The following DLG2 variants were observed in gnomAD, a reference collection of about 807,000 sequenced individuals.
DLG2 encodes the protein discs large MAGUK scaffold protein 2, also known as disks large homolog 2.
DLG2 carries 45 observed loss-of-function variants against 132.5 expected under a neutral mutation model. The ratio of observed to expected loss-of-function variants is 0.34; its 90% CI spans 0.27 to 0.44. The LOEUF is 0.44. DLG2 is among the 20% of genes least tolerant of loss of function. The pLI, the probability that DLG2 is intolerant of heterozygous loss-of-function variation, is 1.00. For missense variants in DLG2, 1,045 were observed against 1,196.9 expected, an observed-to-expected ratio of 0.87 and a Z score of 1.87; for synonymous variants, 424 against 419.6, an observed-to-expected ratio of 1.01 and a Z score of -0.13.
Position 84,712,848 on chromosome 11 carries a change from C to T in DLG2, c.358-178117G>A, listed in dbSNP as rs1213136741. 2.0e-5 allele frequency among the ~76,000 whole-genome samples: 3 copies of T among 152,048 alleles called. No homozygotes were observed. In the East Asian group the frequency reaches 5.8e-4, roughly 29 times the overall value. On this transcript the variant is annotated intron_variant, in intron 6 of 27. Coordinates refer to ENST00000376104, the MANE Select transcript of DLG2 (RefSeq NM_001142699.3). Reference sequence around the variant, plus strand: ...ACCTTGATTTCCAAAACTTCTAGTTCAGAGTTAGAGGTCATGACGTAGAAA... The same window carrying T: ...ACCTTGATTTCCAAAACTTCTAGTTTAGAGTTAGAGGTCATGACGTAGAAA...
intron 3 of DLG2, among the ~76,000 whole-genome samples, chr11:85,352,545 T>G (rs368789500): frequency 6.6e-6 from 1 of 152,184 alleles, no homozygotes; most frequent in Non-Finnish European, 1.5e-5. Flanking sequence ...GGGCATTTAG[T>G]GCTATAAATT....
chr11:83,816,641 T>C (rs2153973639), intron 17 of DLG2, among the ~76,000 whole-genome samples: 1 of 152,288 alleles, frequency 6.6e-6, no homozygotes, highest in East Asian at 1.9e-4. Context: ...TTATAACTAC[T>C]AAACCCATAA....
At chr11:84,813,872 A>C (rs2076830853) in intron 6 of DLG2, among the ~76,000 whole-genome samples, 1 of 151,768 alleles carries the variant, frequency 6.6e-6, no homozygotes, top group South Asian at 2.1e-4. Context: ...CTCCCTCTAC[A>C]CCTCTCACTG....
In DLG2 at chr11:85,619,782, C is replaced by T. The variant is rs145579370; in HGVS notation, c.-93+6805G>A. Among the ~76,000 whole-genome samples the T allele has an allele frequency of 2.2e-4, 33 of 151,814 alleles. 1 individual carries two copies. In the East Asian group the frequency reaches 5.6e-3, roughly 26 times the overall value. ...CCAGGAGGTGGAGGTTGCAGTGAAC[C>T]GAGATTGCGCAACTGCACTCCAGCC... On this transcript the variant is annotated intron_variant, in intron 2 of 27. Transcript: ENST00000376104.
chr11:83,779,704 T>C (rs773274156), intron 18 of DLG2, among the ~76,000 whole-genome samples: 8 of 152,216 alleles, frequency 5.3e-5, no homozygotes, highest in Non-Finnish European at 1.2e-4. Flanking sequence ...TTCCTCCATA[T>C]GTGAAATGAG....
chr11:83,837,676 G>A (rs574103294), intron 16 of DLG2, among the ~76,000 whole-genome samples: 1 of 121,756 alleles, frequency 8.2e-6, no homozygotes, highest in South Asian at 2.7e-4. Flanking sequence ...CTTATTGGCG[G>A]TTCCAGGCTG....
chr11:84,414,554 G>A (rs947893547), intron 7 of DLG2, among the ~76,000 whole-genome samples: 1 of 152,090 alleles, frequency 6.6e-6, no homozygotes, highest in Non-Finnish European at 1.5e-5. Flanking sequence ...CGGACTGAAC[G>A]TTTTCCTCCC....
At chr11:83,729,108 C>T (rs2153697151) in intron 18 of DLG2, among the ~76,000 whole-genome samples, 1 of 152,222 alleles carries the variant, frequency 6.6e-6, no homozygotes, top group Admixed American at 6.5e-5. Context: ...CCAGGAAAGA[C>T]ATGTGTAAGT....
chr11:84,820,686 A>G (rs768297291), intron 6 of DLG2, among the ~76,000 whole-genome samples: 1 of 151,508 alleles, frequency 6.6e-6, no homozygotes, highest in Non-Finnish European at 1.5e-5. Flanking sequence ...TCTACTTTCA[A>G]GCATGCAGAA....
chr11:85,218,022 C>T (rs917267447), intron 4 of DLG2, among the ~76,000 whole-genome samples: 3 of 152,130 alleles, frequency 2.0e-5, no homozygotes, highest in African/African-American at 7.2e-5. Flanking sequence ...ATCCAAGCAC[C>T]ATTTATTGAA....
At chr11:85,551,153 T>C (rs1244765042) in intron 3 of DLG2, among the ~76,000 whole-genome samples, 3 of 152,258 alleles carry the variant, frequency 2.0e-5, no homozygotes, top group Non-Finnish European at 2.9e-5. Flanking sequence ...TTAGTGCCCA[T>C]TTCTATGAAG....
intron 17 of DLG2, among the ~76,000 whole-genome samples, chr11:83,808,299 T>C (rs1033874945): frequency 2.0e-5 from 3 of 152,160 alleles, no homozygotes; most frequent in Admixed American, 6.5e-5. Context: ...TTAATATTCC[T>C]GTGGCCAAGT....
chr11:85,291,048 T>A (rs1398088863), intron 3 of DLG2, among the ~76,000 whole-genome samples: 1 of 152,184 alleles, frequency 6.6e-6, no homozygotes, highest in Admixed American at 6.5e-5. Context: ...CTCTTTGAGA[T>A]ATACCTTCAA....
chr11:85,347,900 T>C (rs2930575), intron 3 of DLG2, among the ~76,000 whole-genome samples: 116,329 of 140,126 alleles, frequency 0.83, 48,579 homozygotes, highest in Middle Eastern at 0.9. Flanking sequence ...ACCTCCTGGG[T>C]TTAAGCAATC....
At chr11:85,552,856 T>G (rs1209129719) in intron 3 of DLG2, among the ~76,000 whole-genome samples, 1 of 151,350 alleles carries the variant, frequency 6.6e-6, no homozygotes, top group Non-Finnish European at 1.5e-5. Flanking sequence ...GAGAAAATAT[T>G]GAAGAGAAAA....
rs1377413950 is a variant in DLG2 at position 85,427,867 on chromosome 11, G to A, written c.41-142502C>T. ...AAGAGTCAAGACCCATCAGTGTGCT[G>A]TATTCAGGAAACCCATCTCATGTGC... On this transcript the variant is annotated intron_variant, in intron 3 of 27. Coordinates refer to ENST00000376104, the MANE Select transcript of DLG2 (RefSeq NM_001142699.3). Among the ~76,000 whole-genome samples, 4 of 152,188 alleles carry A rather than the reference G, an allele frequency of 2.6e-5. 1 individual carries two copies. The highest frequency in any genetic ancestry group is 5.9e-5 in the Non-Finnish European group (4 of 68,046).
At chr11:84,336,048 C>G (rs1269067417) in intron 7 of DLG2, among the ~76,000 whole-genome samples, 1 of 152,134 alleles carries the variant, frequency 6.6e-6, no homozygotes, top group Non-Finnish European at 1.5e-5. Context: ...TGTAGCAATT[C>G]AAATAGCTTC....
chr11:83,664,009 G>A (rs1395393978), intron 18 of DLG2, among the ~76,000 whole-genome samples: 1 of 152,180 alleles, frequency 6.6e-6, no homozygotes, highest in East Asian at 1.9e-4. Flanking sequence ...GAAACATTGG[G>A]CGAGCTGTTT....
intron 6 of DLG2, among the ~76,000 whole-genome samples, chr11:84,827,337 A>T (rs1457375877): frequency 6.6e-6 from 1 of 151,744 alleles, no homozygotes; most frequent in East Asian, 2.0e-4. Context: ...ACTAGAAGAC[A>T]GCTCAGAAAC....
Sources: allele counts gnomAD v4.1 joint callset (sites outside exome capture counted in the v4.1 genomes callset), GRCh38; gene constraint gnomAD v4.1.1; transcripts MANE v1.5; gene names NCBI Gene and HGNC (gene_info 2026-07-23, HGNC 2026-07-21).